Variants in HEATR6 observed in about 807,000 individuals in gnomAD.
HEATR6 encodes HEAT repeat containing 6.
In HEATR6, 106 loss-of-function variants were observed where a neutral mutation model predicts 132.8. That is an observed-to-expected ratio of 0.80 (90% CI 0.68 to 0.94). The LOEUF is 0.94. Among genes scored for constraint, HEATR6 ranks in the 40% least tolerant of loss-of-function variants. The probability of loss-of-function intolerance (pLI) is 0.00; values close to 1 mark genes in which losing one functional copy is unlikely to be tolerated. For synonymous variants in HEATR6, 529 were observed against 537.8 expected (o/e 0.98, Z 0.23); for missense variants, 1,339 against 1,425.1 (o/e 0.94, Z 0.97).
intron 9 of HEATR6, among the ~76,000 whole-genome samples, chr17:60,062,267 C>T (rs748061791): frequency 6.6e-5 from 10 of 152,202 alleles, no homozygotes; most frequent in African/African-American, 1.4e-4. Context: ...AAATTACTAA[C>T]GTGCAAGTAA....
chr17:60,068,158 G>C (rs1276239534), intron 7 of HEATR6, among the ~76,000 whole-genome samples: 2 of 152,182 alleles, frequency 1.3e-5, no homozygotes, highest in Non-Finnish European at 2.9e-5. Flanking sequence ...AATGACTTGA[G>C]TGTCTATTTT....
At position 60,057,290 on chromosome 17, in the gene HEATR6, T is replaced by C; in HGVS notation, c.1837A>G (p.Asn613Asp). Residue 613 changes from asparagine to aspartate, a missense_variant, in exon 12 of 20, where the codon AAT becomes GAT. Asn to Asp is a conservative substitution (Grantham distance 23). Transcript: ENST00000184956. ...AGGTGAGGGGTTGCTGAATTGCTAT[T>C]ACCGAGTCCAGAAGAACATGGCTGT... ...LQQPCSSGLG[N>D]SNSATPHLSP... The C allele has an allele frequency of 1.2e-6, 2 of 1,614,174 alleles. No homozygotes were observed. The highest frequency in any genetic ancestry group is 1.7e-6 in the Non-Finnish European group (2 of 1,180,022).
chr17:60,048,481 T>C, intron 16 of HEATR6, 93 bp from the exon 17 acceptor site: 3 of 1,206,568 alleles, frequency 2.5e-6, no homozygotes, highest in Non-Finnish European at 3.4e-6. Context: ...CTAGAAGCCT[T>C]CATGCACATT....
chr17:60,074,687 G>C (rs1055497744), intron 2 of HEATR6, among the ~76,000 whole-genome samples: 8 of 152,180 alleles, frequency 5.3e-5, no homozygotes, highest in African/African-American at 1.9e-4. Context: ...ACGCTAATTA[G>C]TTTAAGAGAG....
At chr17:60,052,575 A>G (rs909657359) in intron 14 of HEATR6, among the ~76,000 whole-genome samples, 1 of 152,210 alleles carries the variant, frequency 6.6e-6, no homozygotes, top group Non-Finnish European at 1.5e-5. Flanking sequence ...GTTATATGAA[A>G]GCTTTAGTGG....
At chr17:60,059,629 T>C in intron 10 of HEATR6, 108 bp from the exon 11 acceptor site, 1 of 735,310 alleles carries the variant, frequency 1.4e-6, no homozygotes, top group South Asian at 1.8e-5. Context: ...AACTAAAAAT[T>C]AGCCCCCCTT....
intron 19 of HEATR6, among the ~76,000 whole-genome samples, chr17:60,045,567 C>T (rs1047726521): frequency 6.6e-6 from 1 of 152,206 alleles, no homozygotes; most frequent in Non-Finnish European, 1.5e-5. Context: ...TATTCCCTCT[C>T]ATTCCAGTTT....
chr17:60,074,891 G>A (rs1282592809), intron 2 of HEATR6, among the ~76,000 whole-genome samples: 1 of 152,186 alleles, frequency 6.6e-6, no homozygotes, highest in Non-Finnish European at 1.5e-5. Context: ...TGCTGAGGTT[G>A]AGAAACCCTG....
chr17:60,066,419 T>C, intron 8 of HEATR6, 33 bp from the exon 9 acceptor site: 2 of 1,476,206 alleles, frequency 1.4e-6, no homozygotes, highest in Non-Finnish European at 9.1e-7. Context: ...GAAAAAACAC[T>C]TAAAAAATCA....
At chr17:60,059,656 G>A (rs935817878) in intron 10 of HEATR6, 135 bp from the exon 11 acceptor site, 1 of 660,538 alleles carries the variant, frequency 1.5e-6, no homozygotes, top group Non-Finnish European at 2.6e-6. Context: ...AATAACACTT[G>A]TATTCTCATT....
chr17:60,056,138 A>G lies in HEATR6; in HGVS notation c.2179T>C (p.Ser727Pro), dbSNP rs1906737289. The change falls in exon 13 of 20, where the codon TCC (serine) becomes CCC (proline). Residue 727 changes from serine to proline, a missense_variant. Ser to Pro is a moderately conservative substitution (Grantham distance 74). Coordinates refer to ENST00000184956, the MANE Select transcript of HEATR6 (RefSeq NM_022070.5). Reference protein sequence around the residue: ...ICKCMGEADPSIQLHGAKLLE... With the variant: ...ICKCMGEADPPIQLHGAKLLE... ...ACCTTTGCTCCATGAAGCTGAATGG[A>G]TGGATCTGCTTCCCCCATGCACTTG... 3.7e-6 allele frequency: 6 copies of G among 1,614,090 alleles called. No individual in the cohort carries two copies. The East Asian group carries it at 1.1e-4, about 30-fold the overall frequency.
intron 14 of HEATR6, among the ~76,000 whole-genome samples, chr17:60,054,191 G>A (rs906311082): frequency 2.0e-5 from 3 of 152,208 alleles, no homozygotes; most frequent in East Asian, 3.9e-4. Flanking sequence ...GATACTGCTC[G>A]GTTTTCTGCT....
chr17:60,073,235 C>T lies in HEATR6; in HGVS notation c.513G>A (p.Leu171=). The T allele has an allele frequency of 1.2e-6, 2 of 1,613,848 alleles. No individual in the cohort carries two copies. Among genetic ancestry groups the T allele is most frequent in the Non-Finnish European group, 1.7e-6 (2 of 1,179,786 alleles). ...LLGNTGLLMK[L]SDLAQSDPEV... is the part of the protein sequence containing the mutation. ...CAGGATCAGACTGAGCCAAGTCACT[C>T]AACTTCATTAAGAGTCCGGTGTTGC... is the stretch of plus-strand genomic sequence containing the variant. The change falls in exon 4 of 20, where the codon TTG becomes TTA. Residue 171 remains leucine, a synonymous_variant. Transcript: ENST00000184956.
chr17:60,060,441 C>T (rs2083204287), intron 9 of HEATR6, among the ~76,000 whole-genome samples: 1 of 151,636 alleles, frequency 6.6e-6, no homozygotes, highest in Non-Finnish European at 1.5e-5. Flanking sequence ...CCACACCTGG[C>T]TAAAAAAAAA....
At chr17:60,047,970 A>G (rs1172369202) in intron 17 of HEATR6, among the ~76,000 whole-genome samples, 1 of 152,196 alleles carries the variant, frequency 6.6e-6, no homozygotes, top group Non-Finnish European at 1.5e-5. Flanking sequence ...ATGCATTTTA[A>G]AAGTACAGTA....
intron 14 of HEATR6, 42 bp from the exon 15 acceptor site, chr17:60,051,019 CAG>C (rs1906562043): frequency 1.9e-6 from 3 of 1,605,976 alleles, no homozygotes; most frequent in Admixed American, 1.7e-5. Context: ...CAAGACATAA[CAG>C]GGGAACCAAC....
chr17:60,069,222 G>A (rs1468489609), intron 7 of HEATR6, among the ~76,000 whole-genome samples: 1 of 152,210 alleles, frequency 6.6e-6, no homozygotes, highest in African/African-American at 2.4e-5. Flanking sequence ...TCTAGAGTGG[G>A]GTTGGCAAAT....
At chr17:60,052,825 G>A (rs1270905532) in intron 14 of HEATR6, among the ~76,000 whole-genome samples, 1 of 152,164 alleles carries the variant, frequency 6.6e-6, no homozygotes, top group East Asian at 1.9e-4. Context: ...CACAGGAATT[G>A]AATAGAATCG....
In HEATR6 at chr17:60,072,227, G is replaced by T; in HGVS notation, c.687C>A (p.Ile229=). ...QSPKSSDMDD[I]TFCMLLQNAL... Reference sequence around the variant, plus strand: ...ATAGTCCACTTACCATGCAAAATGTGATATCATCCATATCAGATGATTTTG... The same window carrying T: ...ATAGTCCACTTACCATGCAAAATGTTATATCATCCATATCAGATGATTTTG... Residue 229 remains isoleucine (I), a synonymous_variant, in exon 5 of 20, where the codon ATC becomes ATA. Coordinates refer to ENST00000184956, the MANE Select transcript of HEATR6 (RefSeq NM_022070.5). The T allele has an allele frequency of 6.4e-7, 1 of 1,562,318 alleles. No individual in the cohort carries two copies. The highest frequency in any genetic ancestry group is 8.8e-7 in the Non-Finnish European group (1 of 1,137,036).
Sources: allele counts gnomAD v4.1 joint callset (sites outside exome capture counted in the v4.1 genomes callset), GRCh38; gene constraint gnomAD v4.1.1; transcripts MANE v1.5; gene names NCBI Gene and HGNC (gene_info 2026-07-23, HGNC 2026-07-21).